PMF1: variants seen among roughly 807,000 people sequenced by gnomAD.
PMF1 encodes the protein polyamine-modulated factor 1.
PMF1 carries 21 observed loss-of-function variants against 26.7 expected under a neutral mutation model. The observed-to-expected ratio is 0.79, with a 90% confidence interval of 0.56 to 1.13. PMF1 has a LOEUF of 1.13. PMF1 is among the 50% of genes most tolerant of loss of function. PMF1 has a pLI of 0.00. For missense variants in PMF1, 266 were observed against 254.9 expected, an observed-to-expected ratio of 1.04 and a Z score of -0.30; for synonymous variants, 105 against 101.0, an observed-to-expected ratio of 1.04 and a Z score of -0.24.
chr1:156,216,016 C>G (rs1253903581), intron 1 of PMF1, among the ~76,000 whole-genome samples: 1 of 152,090 alleles, frequency 6.6e-6, no homozygotes, highest in African/African-American at 2.4e-5. Flanking sequence ...TAGTAGGGTT[C>G]TAGTTGCTGG....
intron 1 of PMF1, chr1:156,223,581 G>GTAGA (rs1194829651): frequency 6.6e-6 from 1 of 152,154 alleles, no homozygotes; most frequent in Non-Finnish European, 1.5e-5. Flanking sequence ...AGTGAGTTAT[G>GTAGA]TAGAGTACAT....
chr1:156,226,774 A>T, intron 1 of PMF1, among the ~76,000 whole-genome samples: 1 of 152,224 alleles, frequency 6.6e-6, no homozygotes, highest in East Asian at 1.9e-4. Context: ...CTAGTTGATG[A>T]GTGGTAGAGA....
intron 1 of PMF1, among the ~76,000 whole-genome samples, chr1:156,216,497 G>A (rs1657710593): frequency 1.3e-5 from 2 of 152,184 alleles, no homozygotes; most frequent in South Asian, 4.1e-4. Context: ...CTGGATGCGT[G>A]CGGGGCTCTG....
At position 156,236,272 on chromosome 1, in the gene PMF1, C is replaced by G. The variant is rs749955287; in HGVS notation, c.369-16C>G. 7 of 1,598,978 alleles carry G rather than the reference C, an allele frequency of 4.4e-6. No individual in the cohort carries two copies. The highest frequency in any genetic ancestry group is 6.0e-6 in the Non-Finnish European group (7 of 1,168,134). The stretch of plus-strand genomic sequence containing the variant: ...TTCCGCCTCCTTCATTCCTTGTGCC[C>G]CGTGTGGCCCTCCAGGCGCCCCAGC... On this transcript the variant is annotated splice_polypyrimidine_tract_variant and intron_variant, in intron 3 of 4. Coordinates refer to ENST00000368277, the MANE Select transcript of PMF1 (RefSeq NM_007221.4).
intron 1 of PMF1, chr1:156,225,744 C>T (rs1347071534): frequency 1.5e-6 from 1 of 685,676 alleles, no homozygotes; most frequent in South Asian, 2.0e-5. Context: ...TTTATCTTTC[C>T]ATGCTGTCCT....
intron 1 of PMF1, among the ~76,000 whole-genome samples, chr1:156,227,249 A>C (rs762457147): frequency 1.3e-5 from 2 of 152,084 alleles, no homozygotes; most frequent in Non-Finnish European, 2.9e-5. Context: ...CACGCCTGTA[A>C]TCCCAGCACT....
intron 1 of PMF1, among the ~76,000 whole-genome samples, chr1:156,230,116 G>A (rs992788760): frequency 6.6e-6 from 1 of 152,192 alleles, no homozygotes; most frequent in Non-Finnish European, 1.5e-5. Flanking sequence ...GTGACTCCCT[G>A]GCTAGGGGTG....
intron 1 of PMF1, chr1:156,225,811 C>T (rs954385762): frequency 9.0e-6 from 4 of 443,456 alleles, no homozygotes; most frequent in African/African-American, 8.1e-5. Flanking sequence ...GAGCCTGATT[C>T]TGTGCTTAAA....
intron 1 of PMF1, among the ~76,000 whole-genome samples, chr1:156,231,866 G>T (rs757949557): frequency 6.6e-6 from 1 of 152,176 alleles, no homozygotes; most frequent in Non-Finnish European, 1.5e-5. Context: ...GTAATGTCCT[G>T]CCGAGAGAGC....
chr1:156,218,865 AT>A (rs1158709598), intron 1 of PMF1, among the ~76,000 whole-genome samples: 2 of 150,154 alleles, frequency 1.3e-5, no homozygotes, highest in African/African-American at 4.9e-5. Flanking sequence ...ACTTCCATTC[AT>A]TTTTTTTCAC....
rs57297712 is a variant in PMF1, at chr1:156,232,919, C to CTTTT, written c.267+509_267+512dup. On this transcript the variant is annotated intron_variant, in intron 2 of 4. Coordinates refer to ENST00000368277, the MANE Select transcript of PMF1 (RefSeq NM_007221.4). ...GCCTAAAATTTTAATTTTTTTCTTC[C>CTTTT]TTTTTTTTTTTTTTTTTTGAGACAG... Among the ~76,000 whole-genome samples the CTTTT allele has an allele frequency of 3.4e-3, 386 of 114,304 alleles. 24 individuals carry two copies. The highest frequency in any genetic ancestry group is 0.013 in the African/African-American group (370 of 28,024). The allele number at this position is 114,304 out of a possible 152,430, so 75.0% of individuals were successfully genotyped here.
chr1:156,233,770 C>T (rs986045006), intron 3 of PMF1, 42 bp downstream of exon 3: 2 of 1,528,130 alleles, frequency 1.3e-6, no homozygotes, highest in Non-Finnish European at 1.8e-6. Flanking sequence ...AGGAAAGAGG[C>T]AGCAATTAAG....
At chr1:156,224,900 ATT>A in intron 1 of PMF1, among the ~76,000 whole-genome samples, 1 of 148,758 alleles carries the variant, frequency 6.7e-6, no homozygotes, top group South Asian at 2.1e-4. Flanking sequence ...CAAATGGAGA[ATT>A]TTTTTTTTTT....
chr1:156,237,590 G>GCATGAGCTGCCACACC (rs369966381), intron 4 of PMF1, among the ~76,000 whole-genome samples: 2,924 of 151,504 alleles, frequency 0.019, 101 homozygotes, highest in African/African-American at 0.067. Flanking sequence ...GGGATTCCAG[G>GCATGAGCTGCCACACC]CATGAGCTGC....
chr1:156,224,453 C>T (rs1432669992), intron 1 of PMF1, among the ~76,000 whole-genome samples: 1 of 152,202 alleles, frequency 6.6e-6, no homozygotes, highest in Non-Finnish European at 1.5e-5. Context: ...GAATCACTGG[C>T]CTGGAGACTT....
chr1:156,237,810 G>A (rs1455286634), intron 4 of PMF1, among the ~76,000 whole-genome samples: 1 of 152,114 alleles, frequency 6.6e-6, no homozygotes, highest in African/African-American at 2.4e-5. Context: ...AGGCTGGAGT[G>A]CAGTGACATG....
rs548168974 is a variant in PMF1 at position 156,232,026 on chromosome 1, C to T, written c.162-294C>T. ...CCAGACCAGCACCATCAGCCTAACC[C>T]GAGAGCTTGCTAGAAACTGTGGAAG... On this transcript the variant is annotated intron_variant, in intron 1 of 4. Transcript: ENST00000368277. 2.6e-5 allele frequency among the ~76,000 whole-genome samples: 4 copies of T among 152,270 alleles called. 1 individual carries two copies. Among genetic ancestry groups the T allele is most frequent in the African/African-American group, 4.8e-5 (2 of 41,544 alleles).
chr1:156,229,706 G>A (rs896277991), intron 1 of PMF1, among the ~76,000 whole-genome samples: 5 of 151,948 alleles, frequency 3.3e-5, no homozygotes, highest in African/African-American at 1.2e-4. Context: ...GAGTAGCTGG[G>A]ATTACAGGCG....
At chr1:156,214,569 G>C (rs1302948876) in intron 1 of PMF1, among the ~76,000 whole-genome samples, 1 of 152,048 alleles carries the variant, frequency 6.6e-6, no homozygotes. Flanking sequence ...TCATCACATA[G>C]GCTGGTAAGA....
Sources: allele counts gnomAD v4.1 joint callset (sites outside exome capture counted in the v4.1 genomes callset), GRCh38; gene constraint gnomAD v4.1.1; transcripts MANE v1.5; gene names NCBI Gene and HGNC (gene_info 2026-07-23, HGNC 2026-07-21).